Variants in SLC7A14 observed in about 807,000 individuals in gnomAD.
The protein encoded by SLC7A14 is solute carrier family 7 member 14.
A neutral mutation model predicts 60.2 loss-of-function variants in SLC7A14; 37 were observed. The ratio of observed to expected loss-of-function variants is 0.61; its 90% CI spans 0.47 to 0.81. SLC7A14 has a LOEUF of 0.81. SLC7A14 is among the 30% of genes least tolerant of loss of function. The probability of loss-of-function intolerance (pLI) is 0.00; values close to 1 mark genes in which losing one functional copy is unlikely to be tolerated. For missense variants in SLC7A14, 886 were observed against 982.7 expected (o/e 0.90, Z 1.32); for synonymous variants, 399 against 395.8 (o/e 1.01, Z -0.10).
At position 170,467,963 on chromosome 3, in the gene SLC7A14, T is replaced by G. The variant is rs138937013; in HGVS notation, c.1994-586A>C. On this transcript the variant is annotated intron_variant, in intron 7 of 7. Transcript: ENST00000231706. ...TTTTACACTCACTAAAGGCGTGATATATCATGGCCACTCCAAGCTGCCTGC... is the reference window on the plus strand; with the variant it reads ...TTTTACACTCACTAAAGGCGTGATAGATCATGGCCACTCCAAGCTGCCTGC... Among the ~76,000 whole-genome samples the G allele has an allele frequency of 2.0e-4, 30 of 152,344 alleles. No individual in the cohort carries two copies. In the East Asian group the frequency reaches 5.6e-3, roughly 28 times the overall value.
In SLC7A14 at chr3:170,585,406, C is replaced by A. The variant is rs144096108; in HGVS notation, c.-153+505G>T. ...CTCCCAGGTAAAAGGGCAGACGTTG[C>A]TCCCGACCTCCCCGGAGTCTGCGGC... is the stretch of plus-strand genomic sequence containing the variant. On this transcript the variant is annotated intron_variant, in intron 1 of 7. Transcript: ENST00000231706. This position sits in a 1 kb window ranked among gnomAD's most constrained non-coding sequence, Gnocchi z 5.1. Among the ~76,000 whole-genome samples, 1,787 of 152,280 alleles carry A rather than the reference C, an allele frequency of 0.012. 22 individuals are homozygous for A. The highest frequency in any genetic ancestry group is 0.018 in the Non-Finnish European group (1,253 of 68,000).
chr3:170,584,071 T>A (rs1277874388), intron 1 of SLC7A14, among the ~76,000 whole-genome samples: 1 of 152,228 alleles, frequency 6.6e-6, no homozygotes, highest in African/African-American at 2.4e-5. Context: ...TGTTTCCTTC[T>A]CTGTGTGATA....
intron 4 of SLC7A14, chr3:170,496,429 C>T (rs1456910566): frequency 6.3e-6 from 8 of 1,277,780 alleles, no homozygotes; most frequent in Admixed American, 1.7e-5. Context: ...TCCCTGGAGG[C>T]CCCCATCGCA....
chr3:170,560,040 A>G (rs868760067), intron 1 of SLC7A14, among the ~76,000 whole-genome samples: 1 of 152,248 alleles, frequency 6.6e-6, no homozygotes, highest in Admixed American at 6.5e-5. Context: ...AGTGACTTCA[A>G]GAATAATCCC....
At chr3:170,572,540 G>A (rs142218156) in intron 1 of SLC7A14, among the ~76,000 whole-genome samples, 97 of 152,322 alleles carry the variant, frequency 6.4e-4, no homozygotes, top group Middle Eastern at 3.4e-3. Context: ...AGAGATGATA[G>A]TACTCAAATG....
chr3:170,524,356 T>C (rs1441307106), intron 2 of SLC7A14, among the ~76,000 whole-genome samples: 1 of 152,238 alleles, frequency 6.6e-6, no homozygotes, highest in Non-Finnish European at 1.5e-5. Flanking sequence ...AGGCTCTCCA[T>C]GTGAGCAGTG....
chr3:170,496,439 A>G lies in SLC7A14; in HGVS notation c.759+2228T>C, dbSNP rs577038262. 8.7e-6 allele frequency: 11 copies of G among 1,261,056 alleles called. No individual in the cohort carries two copies. In the African/African-American group the frequency reaches 1.5e-4, roughly 17 times the overall value. 78.1% of individuals were successfully genotyped at this position (1,261,056 alleles called of 1,614,324 possible). A position where few individuals can be genotyped will look rare whatever the true frequency, so the allele number is the denominator to read the frequency against. Reference sequence around the variant, plus strand: ...GGGCTTCCCTGGAGGCCCCCATCGCAGATACCGAGCAGCGTGGGGAGCTGG... The same window carrying G: ...GGGCTTCCCTGGAGGCCCCCATCGCGGATACCGAGCAGCGTGGGGAGCTGG... On this transcript the variant is annotated intron_variant, in intron 4 of 7. Transcript: ENST00000231706.
At chr3:170,539,571 A>G (rs1228613225) in intron 1 of SLC7A14, among the ~76,000 whole-genome samples, 2 of 152,096 alleles carry the variant, frequency 1.3e-5, no homozygotes, top group East Asian at 3.9e-4. Flanking sequence ...TTGACATTTA[A>G]TTGTTTATAT....
At chr3:170,505,086 A>T (rs1043812570) in intron 2 of SLC7A14, among the ~76,000 whole-genome samples, 2 of 152,190 alleles carry the variant, frequency 1.3e-5, no homozygotes, top group African/African-American at 4.8e-5. Context: ...TCCATTTTAC[A>T]TATACACACA....
intron 4 of SLC7A14, chr3:170,496,554 C>T: frequency 6.3e-7 from 1 of 1,596,552 alleles, no homozygotes; most frequent in Non-Finnish European, 8.6e-7. Flanking sequence ...GCGTGAGTAC[C>T]AGGAGCTGAT....
intron 1 of SLC7A14, among the ~76,000 whole-genome samples, chr3:170,583,573 A>G (rs1244369096): frequency 1.3e-5 from 2 of 152,252 alleles, no homozygotes; most frequent in East Asian, 3.9e-4. Context: ...ACTTAGACTA[A>G]TGACCATCTT....
chr3:170,505,821 G>C (rs1207610093), intron 2 of SLC7A14, among the ~76,000 whole-genome samples: 1 of 151,992 alleles, frequency 6.6e-6, no homozygotes, highest in Non-Finnish European at 1.5e-5. Flanking sequence ...CTGGGAGGTG[G>C]AGGTTGCAGT....
chr3:170,565,386 G>A (rs1247738171), intron 1 of SLC7A14, among the ~76,000 whole-genome samples: 2 of 152,168 alleles, frequency 1.3e-5, no homozygotes, highest in African/African-American at 2.4e-5. Flanking sequence ...ATTTGAGCAG[G>A]CTAAAGTTAA....
intron 1 of SLC7A14, among the ~76,000 whole-genome samples, chr3:170,572,074 A>G (rs938418847): frequency 6.6e-6 from 1 of 151,488 alleles, no homozygotes; most frequent in Non-Finnish European, 1.5e-5. Flanking sequence ...AAAAAAAAAA[A>G]AAAAAAAGAA....
chr3:170,533,684 G>T (rs1713748991), intron 1 of SLC7A14, among the ~76,000 whole-genome samples: 1 of 151,396 alleles, frequency 6.6e-6, no homozygotes, highest in Non-Finnish European at 1.5e-5. Context: ...TGTGTGGTGT[G>T]TGTGTGTGCA....
At chr3:170,471,748 A>G (rs1274297959) in intron 7 of SLC7A14, among the ~76,000 whole-genome samples, 6 of 152,362 alleles carry the variant, frequency 3.9e-5, no homozygotes, top group Admixed American at 6.5e-5. Context: ...TGATTTTGCT[A>G]TAAGCCAGAA....
intron 1 of SLC7A14, among the ~76,000 whole-genome samples, chr3:170,571,952 T>C (rs1219081745): frequency 1.3e-5 from 2 of 150,114 alleles, no homozygotes; most frequent in African/African-American, 2.5e-5. Context: ...TCCCAACTAC[T>C]CAGGAGGCTG....
intron 4 of SLC7A14, among the ~76,000 whole-genome samples, chr3:170,494,138 C>G (rs905783390): frequency 6.6e-6 from 1 of 152,176 alleles, no homozygotes; most frequent in Non-Finnish European, 1.5e-5. Flanking sequence ...GGACTGGGAT[C>G]GAATTTCAGC....
rs116678791 is a variant in SLC7A14, at chr3:170,492,348, G to C, written c.760-5980C>G. Among the ~76,000 whole-genome samples the C allele has an allele frequency of 4.5e-3, 689 of 152,194 alleles. 4 individuals carry two copies. Among genetic ancestry groups the C allele is most frequent in the African/African-American group, 0.016 (647 of 41,516 alleles). Reference sequence around the variant, plus strand: ...TTTTGCAAAATTAAAAAATAGTATTGAAAAAAATTAGCTAGGTGTGGTTGT... The same window carrying C: ...TTTTGCAAAATTAAAAAATAGTATTCAAAAAAATTAGCTAGGTGTGGTTGT... On this transcript the variant is annotated intron_variant, in intron 4 of 7. Coordinates refer to ENST00000231706, the MANE Select transcript of SLC7A14 (RefSeq NM_020949.3).
Sources: allele counts gnomAD v4.1 joint callset (sites outside exome capture counted in the v4.1 genomes callset), GRCh38; gene constraint gnomAD v4.1.1; non-coding constraint Gnocchi (gnomAD v3.1); transcripts MANE v1.5; gene names NCBI Gene and HGNC (gene_info 2026-07-23, HGNC 2026-07-21).